CNTN4: variants seen among roughly 807,000 people sequenced by gnomAD.
The protein encoded by CNTN4 is contactin 4.
CNTN4 carries 77 observed loss-of-function variants against 122.5 expected under a neutral mutation model. The ratio of observed to expected loss-of-function variants is 0.63; its 90% CI spans 0.52 to 0.76. The LOEUF is 0.76. Ranked by LOEUF, CNTN4 falls within the 30% of genes least tolerant of loss-of-function variation. CNTN4 has a pLI of 0.00. For synonymous variants in CNTN4, 512 were observed against 447.0 expected, an observed-to-expected ratio of 1.15 and a Z score of -1.83; for missense variants, 1,256 against 1,259.1, an observed-to-expected ratio of 1.00 and a Z score of 0.04.
chr3:2,538,332 T>G (rs1469692481), intron 3 of CNTN4, among the ~76,000 whole-genome samples: 1 of 152,154 alleles, frequency 6.6e-6, no homozygotes, highest in Admixed American at 6.6e-5. Context: ...CAGTTTACGT[T>G]ACTGTGTTAC....
intron 4 of CNTN4, among the ~76,000 whole-genome samples, chr3:2,580,246 C>T (rs1001896587): frequency 5.3e-5 from 8 of 152,096 alleles, no homozygotes; most frequent in Non-Finnish European, 1.0e-4. Flanking sequence ...ACAGCCAGAA[C>T]ATTTAGGGTC....
At chr3:2,967,166 G>C (rs1418713461) in intron 13 of CNTN4, among the ~76,000 whole-genome samples, 2 of 152,162 alleles carry the variant, frequency 1.3e-5, no homozygotes, top group East Asian at 1.9e-4. Flanking sequence ...CAGGAGTTCT[G>C]ATTGGTTGAG....
intron 5 of CNTN4, among the ~76,000 whole-genome samples, chr3:2,736,610 T>C (rs564580570): frequency 6.6e-6 from 1 of 150,990 alleles, no homozygotes; most frequent in South Asian, 2.1e-4. Context: ...ATTACAGGCA[T>C]GCACCACCAC....
At chr3:2,670,886 G>A (rs897576189) in intron 4 of CNTN4, among the ~76,000 whole-genome samples, 31 of 152,304 alleles carry the variant, frequency 2.0e-4, no homozygotes, top group Non-Finnish European at 3.5e-4. Context: ...ATTCTGGTTT[G>A]AAAATTCTTT....
intron 3 of CNTN4, among the ~76,000 whole-genome samples, chr3:2,384,156 G>T (rs547656274): frequency 7.2e-5 from 11 of 152,198 alleles, no homozygotes; most frequent in South Asian, 2.1e-4. Context: ...GTAGCCGTGT[G>T]CATCATAAGG....
chr3:2,790,630 C>G (rs765063182), intron 6 of CNTN4, among the ~76,000 whole-genome samples: 1 of 152,124 alleles, frequency 6.6e-6, no homozygotes, highest in African/African-American at 2.4e-5. Context: ...AGGAAAATCA[C>G]TTTATTTTCT....
chr3:2,194,431 A>G (rs891215257), intron 2 of CNTN4, among the ~76,000 whole-genome samples: 1 of 152,156 alleles, frequency 6.6e-6, no homozygotes, highest in Non-Finnish European at 1.5e-5. Flanking sequence ...ACTGCACTCC[A>G]GCCTGGGTGA....
intron 2 of CNTN4, among the ~76,000 whole-genome samples, chr3:2,266,195 T>C (rs2041039515): frequency 6.6e-6 from 1 of 152,102 alleles, no homozygotes; most frequent in African/African-American, 2.4e-5. Flanking sequence ...ATGTTAGCTG[T>C]GAGTTTGTCA....
At chr3:2,891,412 A>C (rs974873355) in intron 10 of CNTN4, among the ~76,000 whole-genome samples, 1 of 152,218 alleles carries the variant, frequency 6.6e-6, no homozygotes, top group Admixed American at 6.5e-5. Context: ...GTGCCACTGC[A>C]CTCCAGCCTG....
Position 2,383,088 on chromosome 3 carries a change from A to C in CNTN4, c.-89+43855A>C, listed in dbSNP as rs193045366. On this transcript the variant is annotated intron_variant, in intron 3 of 24. Coordinates refer to ENST00000418658, the MANE Select transcript of CNTN4 (RefSeq NM_175607.3). ...GAAAATCCATCTCAAAAAAAAAAAA[A>C]AGTAAGATAAATAGCTTCATTGACA... 6.9e-3 allele frequency among the ~76,000 whole-genome samples: 1,052 copies of C among 152,180 alleles called. 6 individuals carry two copies. The highest frequency in any genetic ancestry group is 0.011 in the Non-Finnish European group (754 of 67,984).
intron 2 of CNTN4, among the ~76,000 whole-genome samples, chr3:2,155,193 T>G (rs1279629371): frequency 6.6e-6 from 1 of 152,206 alleles, no homozygotes; most frequent in African/African-American, 2.4e-5. Context: ...AACCTAATTT[T>G]CCCATCTCTG....
intron 4 of CNTN4, among the ~76,000 whole-genome samples, chr3:2,731,379 G>T (rs933980908): frequency 6.6e-6 from 1 of 152,134 alleles, no homozygotes; most frequent in Non-Finnish European, 1.5e-5. Context: ...AACACTGGTA[G>T]TCTGATAGAA....
chr3:2,673,946 G>C (rs2084685418), intron 4 of CNTN4, among the ~76,000 whole-genome samples: 2 of 152,140 alleles, frequency 1.3e-5, no homozygotes, highest in African/African-American at 4.8e-5. Flanking sequence ...CAGAGGATGA[G>C]AGCCCATGTG....
At chr3:2,162,082 C>T (rs1236439431) in intron 2 of CNTN4, among the ~76,000 whole-genome samples, 1 of 152,020 alleles carries the variant, frequency 6.6e-6, no homozygotes, top group Admixed American at 6.6e-5. Flanking sequence ...AATGAGAATA[C>T]AGATTTCAAA....
At chr3:2,821,518 T>G (rs2150274037) in intron 7 of CNTN4, among the ~76,000 whole-genome samples, 1 of 152,316 alleles carries the variant, frequency 6.6e-6, no homozygotes, top group East Asian at 1.9e-4. Flanking sequence ...TGCCTCCATG[T>G]CATTGATCAC....
At chr3:2,866,385 A>C in intron 7 of CNTN4, 1 of 868,352 alleles carries the variant, frequency 1.2e-6, no homozygotes, top group South Asian at 3.4e-5. Context: ...TTCCAGCATT[A>C]CTATATCAAG....
rs562902828 is a variant in CNTN4, at chr3:2,683,090, A to G, written c.56-53125A>G. 2.6e-5 allele frequency among the ~76,000 whole-genome samples: 4 copies of G among 152,256 alleles called. No homozygotes were observed. In the South Asian group the frequency reaches 6.2e-4, roughly 24 times the overall value. ...TCTCTATAAGACAAAACAATCCACC[A>G]CCATTATTTTTATAGCATGCCCATC... On this transcript the variant is annotated intron_variant, in intron 4 of 24. Coordinates refer to ENST00000418658, the MANE Select transcript of CNTN4 (RefSeq NM_175607.3).
chr3:2,642,782 G>C (rs1264244409), intron 4 of CNTN4, among the ~76,000 whole-genome samples: 1 of 151,988 alleles, frequency 6.6e-6, no homozygotes, highest in East Asian at 1.9e-4. Context: ...TTCTGTCTTT[G>C]TTCCTGCTAT....
At chr3:2,914,403 C>T (rs1051458569) in intron 12 of CNTN4, among the ~76,000 whole-genome samples, 3 of 151,736 alleles carry the variant, frequency 2.0e-5, no homozygotes, top group African/African-American at 4.8e-5. Context: ...TTGACAAACC[C>T]GTAGTAGACT....
Sources: allele counts gnomAD v4.1 joint callset (sites outside exome capture counted in the v4.1 genomes callset), GRCh38; gene constraint gnomAD v4.1.1; transcripts MANE v1.5; gene names NCBI Gene and HGNC (gene_info 2026-07-23, HGNC 2026-07-21).